MIB1: variants seen among roughly 807,000 people sequenced by gnomAD.
MIB1 encodes the protein E3 ubiquitin-protein ligase MIB1.
A neutral mutation model predicts 124.5 loss-of-function variants in MIB1; 278 were observed. The observed-to-expected ratio is 2.23, with a 90% CI of 2.02 to 2.47. The LOEUF is 2.47. MIB1 is among the 30% of genes most tolerant of loss of function. The pLI is 0.00. For missense variants in MIB1, 957 were observed against 1,254.4 expected, an observed-to-expected ratio of 0.76 and a Z score of 3.58; for synonymous variants, 446 against 429.4, an observed-to-expected ratio of 1.04 and a Z score of -0.48.
chr18:21,804,980 T>C (rs2041687847), intron 10 of MIB1, among the ~76,000 whole-genome samples: 1 of 152,110 alleles, frequency 6.6e-6, no homozygotes, highest in Non-Finnish European at 1.5e-5. Context: ...TGTTGGAATT[T>C]TCTGCTGCCT....
chr18:21,825,977 A>T, intron 12 of MIB1: 1 of 308,362 alleles, frequency 3.2e-6, no homozygotes, highest in Non-Finnish European at 6.4e-6. Flanking sequence ...CTTTTAACAC[A>T]TTACTGCATT....
chr18:21,805,717 A>T (rs1193708250), intron 10 of MIB1, among the ~76,000 whole-genome samples: 2 of 12,518 alleles, frequency 1.6e-4, no homozygotes. Context: ...TTTTTGCCTA[A>T]GTTTCTTTTT....
chr18:21,715,348 A>G (rs1245041490), intron 1 of MIB1, among the ~76,000 whole-genome samples: 1 of 152,230 alleles, frequency 6.6e-6, no homozygotes, highest in Admixed American at 6.5e-5. Flanking sequence ...CTGTGGGACA[A>G]AATAATCTGA....
At chr18:21,792,364 C>G (rs1384620189) in intron 7 of MIB1, among the ~76,000 whole-genome samples, 1 of 152,028 alleles carries the variant, frequency 6.6e-6, no homozygotes, top group Non-Finnish European at 1.5e-5. Flanking sequence ...TACCCCCACT[C>G]TACTGTAATT....
At chr18:21,863,177 G>A in intron 20 of MIB1, among the ~76,000 whole-genome samples, 1 of 152,212 alleles carries the variant, frequency 6.6e-6, no homozygotes, top group East Asian at 1.9e-4. Context: ...CCCAGGTGGG[G>A]GTGCCTGCGA....
At position 21,858,646 on chromosome 18, in the gene MIB1, G is replaced by A. The variant is rs1212145088; in HGVS notation, c.2880G>A (p.Gln960=). 6.7e-7 allele frequency: 1 copy of A among 1,495,144 alleles called. No individual in the cohort carries two copies. Among genetic ancestry groups the A allele is most frequent in the East Asian group, 2.3e-5 (1 of 44,254 alleles). 92.6% of individuals were successfully genotyped at this position (1,495,144 alleles called of 1,614,324 possible). A position where few individuals can be genotyped will look rare whatever the true frequency, so the allele number is the denominator to read the frequency against. The change falls in exon 20 of 21, where the codon CAG becomes CAA. Residue 960 remains glutamine (Q), a splice_region_variant and synonymous_variant. Transcript: ENST00000261537. ...LQQQLQDIKE[Q]TMCPVCLDRL... The stretch of plus-strand genomic sequence containing the variant: ...AACAGTTACAAGACATTAAAGAGCA[G>A]GTAATAATGATTTCATGTAAACAGT...
chr18:21,746,803 TG>T lies in MIB1; in HGVS notation c.229+4996del, dbSNP rs1427141644. Reference sequence around the variant, plus strand: ...TGGTCATAGTTCATTCAAACTGTTTTGGGGGTAGTTCTTTGTCCTTGTCTTT... The same window carrying T: ...TGGTCATAGTTCATTCAAACTGTTTTGGGGTAGTTCTTTGTCCTTGTCTTT... On this transcript the variant is annotated intron_variant, in intron 1 of 20. Coordinates refer to ENST00000261537, the MANE Select transcript of MIB1 (RefSeq NM_020774.4). Among the ~76,000 whole-genome samples, 5 of 152,318 alleles carry T rather than the reference TG, an allele frequency of 3.3e-5. No homozygotes were observed. In the East Asian group the frequency reaches 9.6e-4, roughly 29 times the overall value.
In MIB1 at chr18:21,849,288, C is replaced by T; in HGVS notation, c.2486C>T (p.Thr829Ile). ...CMVCSDMKRDTLFGPCGHIAT... is the reference protein window; with the variant it reads ...CMVCSDMKRDILFGPCGHIAT... ...GTGTGCTCAGATATGAAGAGAGATA[C>T]TCTTTTTGGTCCATGTGGACATATT... Residue 829 changes from threonine (T) to isoleucine (I), a missense_variant, in exon 17 of 21, where the codon ACT becomes ATT. Physicochemically the swap from Thr to Ile is moderately conservative, Grantham distance 89 (BLOSUM62 -1). Coordinates refer to ENST00000261537, the MANE Select transcript of MIB1 (RefSeq NM_020774.4). 1.9e-6 allele frequency: 3 copies of T among 1,612,586 alleles called. No individual in the cohort carries two copies. The highest frequency in any genetic ancestry group is 2.5e-6 in the Non-Finnish European group (3 of 1,178,974).
intron 1 of MIB1, among the ~76,000 whole-genome samples, chr18:21,723,795 T>C (rs1254666236): frequency 6.6e-6 from 1 of 152,248 alleles, no homozygotes; most frequent in Non-Finnish European, 1.5e-5. Flanking sequence ...ATTACAGGCA[T>C]GAGCCACTGT....
chr18:21,712,910 C>CT (rs935849742), intron 1 of MIB1, among the ~76,000 whole-genome samples: 6 of 151,614 alleles, frequency 4.0e-5, no homozygotes, highest in Admixed American at 6.6e-5. Flanking sequence ...ATTAATGGCT[C>CT]TTTTTTTTGC....
At chr18:21,848,019 T>A (rs2042149536) in intron 16 of MIB1, among the ~76,000 whole-genome samples, 2 of 152,238 alleles carry the variant, frequency 1.3e-5, no homozygotes, top group African/African-American at 4.8e-5. Flanking sequence ...TTAGTGTTCC[T>A]TGCCTCTCTC....
At chr18:21,836,094 A>G (rs1158453871) in intron 12 of MIB1, among the ~76,000 whole-genome samples, 1 of 151,436 alleles carries the variant, frequency 6.6e-6, no homozygotes, top group Non-Finnish European at 1.5e-5. Context: ...TCTACAAAAA[A>G]TACAAAAAAA....
chr18:21,860,938 C>T (rs1410618708), intron 20 of MIB1, among the ~76,000 whole-genome samples: 1 of 152,108 alleles, frequency 6.6e-6, no homozygotes, highest in Non-Finnish European at 1.5e-5. Flanking sequence ...ACTTGGGGAA[C>T]TGAGGCAGGA....
At chr18:21,824,189 G>A (rs918224984) in intron 12 of MIB1, among the ~76,000 whole-genome samples, 2 of 152,162 alleles carry the variant, frequency 1.3e-5, no homozygotes, top group Non-Finnish European at 2.9e-5. Context: ...TAAAATATGA[G>A]TGAATCACCT....
At chr18:21,830,096 A>G (rs2041964757) in intron 12 of MIB1, among the ~76,000 whole-genome samples, 1 of 152,216 alleles carries the variant, frequency 6.6e-6, no homozygotes, top group South Asian at 2.1e-4. Context: ...ATAAAAAGCT[A>G]GTGCAGCTTA....
chr18:21,845,465 G>A (rs1472918393), intron 15 of MIB1, among the ~76,000 whole-genome samples: 1 of 152,074 alleles, frequency 6.6e-6, no homozygotes, highest in Non-Finnish European at 1.5e-5. Context: ...TTTCTTTTAT[G>A]TTTTGTACTA....
Position 21,765,955 on chromosome 18 carries a change from C to G in MIB1, c.401+12C>G. 6.2e-7 allele frequency: 1 copy of G among 1,612,810 alleles called. No individual in the cohort carries two copies. Among genetic ancestry groups the G allele is most frequent in the African/African-American group, 1.3e-5 (1 of 74,968 alleles). On this transcript the variant is annotated intron_variant, in intron 2 of 20. Coordinates refer to ENST00000261537, the MANE Select transcript of MIB1 (RefSeq NM_020774.4). ...CCGGGAAGTGAGAGGTAGGGAGAAC[C>G]CTTTTCTTCTTCAACCGAGGGTTTT...
chr18:21,755,984 C>T (rs1284589804), intron 1 of MIB1, among the ~76,000 whole-genome samples: 1 of 152,058 alleles, frequency 6.6e-6, no homozygotes. Context: ...TTTTGCAGGG[C>T]TAGTGATAAT....
At chr18:21,823,230 TCAAAAAA>T (rs1674875233) in intron 12 of MIB1, among the ~76,000 whole-genome samples, 1 of 16,878 alleles carries the variant, frequency 5.9e-5, no homozygotes. Flanking sequence ...CAAGACTGTA[TCAAAAAA>T]AAAAAAAAAA....
Sources: allele counts gnomAD v4.1 joint callset (sites outside exome capture counted in the v4.1 genomes callset), GRCh38; gene constraint gnomAD v4.1.1; transcripts MANE v1.5; gene names NCBI Gene and HGNC (gene_info 2026-07-23, HGNC 2026-07-21).